ROBO1: variants seen among roughly 807,000 people sequenced by gnomAD.
ROBO1 encodes the protein roundabout guidance receptor 1.
ROBO1 carries 149 observed loss-of-function variants against 195.9 expected under a neutral mutation model. The observed-to-expected ratio is 0.76, with a 90% confidence interval of 0.67 to 0.87. The LOEUF is 0.87. Among genes scored for constraint, ROBO1 ranks in the 40% least tolerant of loss-of-function variants. ROBO1 has a pLI of 0.00. For synonymous variants in ROBO1, 816 were observed against 733.2 expected (o/e 1.11, Z -1.82); for missense variants, 1,933 against 2,068.3 (o/e 0.93, Z 1.27).
At chr3:79,149,204 T>A (rs2080714558) in intron 2 of ROBO1, among the ~76,000 whole-genome samples, 1 of 151,956 alleles carries the variant, frequency 6.6e-6, no homozygotes, top group African/African-American at 2.4e-5. Context: ...ACGTTTATTA[T>A]AAACTGTCCA....
chr3:79,665,249 A>G (rs945573862), intron 1 of ROBO1, among the ~76,000 whole-genome samples: 3 of 151,938 alleles, frequency 2.0e-5, no homozygotes, highest in African/African-American at 4.8e-5. Context: ...TAAATTTTAT[A>G]TAAAGTAAAT....
intron 1 of ROBO1, among the ~76,000 whole-genome samples, chr3:79,598,966 G>C (rs571672460): frequency 1.3e-5 from 2 of 151,946 alleles, no homozygotes; most frequent in Admixed American, 1.3e-4. Context: ...AGAAAGCCAG[G>C]ACTAAACCTA....
intron 2 of ROBO1, among the ~76,000 whole-genome samples, chr3:79,533,302 A>G (rs1309623447): frequency 6.6e-6 from 1 of 152,148 alleles, no homozygotes; most frequent in Non-Finnish European, 1.5e-5. Flanking sequence ...TTGATTTACT[A>G]TGTAAAATTA....
intron 2 of ROBO1, among the ~76,000 whole-genome samples, chr3:79,288,242 A>G (rs1456704955): frequency 6.6e-6 from 1 of 152,146 alleles, no homozygotes; most frequent in African/African-American, 2.4e-5. Context: ...GTAATTTACT[A>G]TTATTACTGC....
chr3:79,598,140 T>G (rs1051914012), intron 1 of ROBO1, among the ~76,000 whole-genome samples: 2 of 152,138 alleles, frequency 1.3e-5, no homozygotes, highest in African/African-American at 4.8e-5. Flanking sequence ...TTTGAGATTC[T>G]TATTCTATGT....
At chr3:78,956,450 T>A (rs572475060) in intron 3 of ROBO1, among the ~76,000 whole-genome samples, 137 of 152,204 alleles carry the variant, frequency 9.0e-4, no homozygotes, top group African/African-American at 3.2e-3. Context: ...ATTCTTAATT[T>A]TGAAGGAAAA....
chr3:79,741,641 A>G (rs1358568736), intron 1 of ROBO1, among the ~76,000 whole-genome samples: 1 of 152,194 alleles, frequency 6.6e-6, no homozygotes, highest in African/African-American at 2.4e-5. Context: ...CTATAAAGAT[A>G]TCTGAAAATG....
intron 10 of ROBO1, chr3:78,670,551 T>C (rs895835959): frequency 8.9e-6 from 4 of 451,606 alleles, no homozygotes; most frequent in African/African-American, 2.0e-5. Flanking sequence ...AAGAGGCCTA[T>C]TTAAAGAGTT....
At chr3:79,614,431 A>G (rs996027702) in intron 1 of ROBO1, among the ~76,000 whole-genome samples, 1 of 152,162 alleles carries the variant, frequency 6.6e-6, no homozygotes, top group Non-Finnish European at 1.5e-5. Context: ...AAATGAAAAC[A>G]TAACATACAA....
intron 3 of ROBO1, among the ~76,000 whole-genome samples, chr3:78,975,903 C>A (rs1401560126): frequency 6.6e-6 from 1 of 152,166 alleles, no homozygotes; most frequent in Non-Finnish European, 1.5e-5. Context: ...TAACATTCAA[C>A]TTTGATCCTG....
intron 2 of ROBO1, among the ~76,000 whole-genome samples, chr3:79,500,721 C>T (rs990922098): frequency 8.5e-5 from 13 of 152,178 alleles, no homozygotes; most frequent in African/African-American, 3.1e-4. Context: ...GTCACATAAG[C>T]TTGAGAAGCT....
chr3:79,739,033 G>T (rs559181787), intron 1 of ROBO1, among the ~76,000 whole-genome samples: 15 of 152,200 alleles, frequency 9.9e-5, no homozygotes, highest in Admixed American at 2.6e-4. Context: ...ATGGCACAAA[G>T]TTGTTTCTGA....
At chr3:79,045,480 G>A (rs1051778029) in intron 3 of ROBO1, among the ~76,000 whole-genome samples, 5 of 151,906 alleles carry the variant, frequency 3.3e-5, no homozygotes, top group Non-Finnish European at 7.4e-5. Context: ...AGAAACATAT[G>A]GAGATATATG....
chr3:78,809,132 G>T (rs1328836851), intron 4 of ROBO1, among the ~76,000 whole-genome samples: 1 of 150,738 alleles, frequency 6.6e-6, no homozygotes, highest in African/African-American at 2.4e-5. Context: ...AATCTATAAA[G>T]AACTTAAACA....
chr3:78,936,026 C>T (rs1429985954), intron 4 of ROBO1, among the ~76,000 whole-genome samples: 2 of 151,916 alleles, frequency 1.3e-5, no homozygotes, highest in East Asian at 1.9e-4. Flanking sequence ...AATATCTGCA[C>T]TGAGGTCTAC....
chr3:79,563,669 A>G (rs1196769089), intron 2 of ROBO1, among the ~76,000 whole-genome samples: 1 of 152,078 alleles, frequency 6.6e-6, no homozygotes, highest in African/African-American at 2.4e-5. Context: ...AAAATGTAAT[A>G]TTTTTGTGTG....
intron 2 of ROBO1, among the ~76,000 whole-genome samples, chr3:79,294,756 A>G (rs1212467532): frequency 6.6e-6 from 1 of 152,214 alleles, no homozygotes; most frequent in Non-Finnish European, 1.5e-5. Context: ...TTTACAAGAA[A>G]AAAACAAACA....
chr3:79,309,592 T>C (rs1287487991), intron 2 of ROBO1, among the ~76,000 whole-genome samples: 1 of 151,996 alleles, frequency 6.6e-6, no homozygotes, highest in Non-Finnish European at 1.5e-5. Flanking sequence ...GGTTATAGAG[T>C]GAGACCTGGT....
chr3:78,834,245 C>T (rs1249498844), intron 4 of ROBO1, among the ~76,000 whole-genome samples: 1 of 150,888 alleles, frequency 6.6e-6, no homozygotes, highest in Non-Finnish European at 1.5e-5. Flanking sequence ...TCAAAAAGTC[C>T]TAATAAAGAG....
Sources: gnomAD v4.1 joint callset for allele counts (sites outside exome capture counted in the v4.1 genomes callset) on GRCh38, gnomAD v4.1.1 for gene constraint, MANE v1.5 for transcripts, NCBI Gene and HGNC (gene_info 2026-07-23, HGNC 2026-07-21) for gene names.